The following SLC39A11 variants were observed in gnomAD, a reference collection of about 807,000 sequenced individuals.
SLC39A11 encodes the protein zinc transporter ZIP11.
A neutral mutation model predicts 36.1 loss-of-function variants in SLC39A11; 33 were observed. That is an observed-to-expected ratio of 0.91 (90% CI 0.69 to 1.22). SLC39A11 has a LOEUF of 1.22. Ranked by LOEUF, SLC39A11 falls within the 50% of genes most tolerant of loss-of-function variation. The pLI, the probability that SLC39A11 is intolerant of heterozygous loss-of-function variation, is 0.00. For synonymous variants in SLC39A11, 166 were observed against 170.3 expected (o/e 0.97, Z 0.20); for missense variants, 432 against 430.3 (o/e 1.00, Z -0.03).
chr17:72,946,670 C>T (rs916663275), intron 5 of SLC39A11, among the ~76,000 whole-genome samples: 4 of 152,146 alleles, frequency 2.6e-5, no homozygotes, highest in Admixed American at 1.3e-4. Flanking sequence ...GCATGGTTTT[C>T]GTCCCCGGGG....
At chr17:72,783,880 C>T (rs963481059) in intron 6 of SLC39A11, among the ~76,000 whole-genome samples, 52 of 152,174 alleles carry the variant, frequency 3.4e-4, no homozygotes, top group African/African-American at 2.7e-4. Flanking sequence ...CTAGCACACC[C>T]TCAGCCAGGA....
intron 3 of SLC39A11, among the ~76,000 whole-genome samples, chr17:73,032,866 AC>A (rs1478843509): frequency 2.6e-5 from 4 of 152,114 alleles, no homozygotes; most frequent in African/African-American, 4.8e-5. Context: ...CATCACAACC[AC>A]CCCAGAGGCA....
At chr17:72,691,966 C>T (rs2072047798) in intron 7 of SLC39A11, among the ~76,000 whole-genome samples, 1 of 151,790 alleles carries the variant, frequency 6.6e-6, no homozygotes, top group South Asian at 2.1e-4. Context: ...GAGCCTGTGC[C>T]TAAACAGGGG....
chr17:72,967,399 A>AGAGAGAGAGAGTGT (rs143987646), intron 4 of SLC39A11, among the ~76,000 whole-genome samples: 30 of 138,276 alleles, frequency 2.2e-4, no homozygotes, highest in South Asian at 9.4e-4. Context: ...AGAGAGAGAG[A>AGAGAGAGAGAGTGT]GTGTGTGTGT....
At chr17:72,760,926 T>C (rs2075552538) in intron 6 of SLC39A11, among the ~76,000 whole-genome samples, 1 of 152,202 alleles carries the variant, frequency 6.6e-6, no homozygotes, top group African/African-American at 2.4e-5. Context: ...CTGTTCCTTC[T>C]GCTAGAATCC....
At chr17:72,791,386 A>G (rs2076697742) in intron 6 of SLC39A11, among the ~76,000 whole-genome samples, 1 of 152,224 alleles carries the variant, frequency 6.6e-6, no homozygotes, top group Admixed American at 6.5e-5. Context: ...TGGGAGGCAG[A>G]GATTGCAGTG....
intron 3 of SLC39A11, among the ~76,000 whole-genome samples, chr17:73,069,580 C>G (rs1295946512): frequency 6.6e-6 from 1 of 152,212 alleles, no homozygotes. Context: ...GGCTCTTCTC[C>G]CCTTTTATGA....
chr17:72,798,299 C>T (rs2076963165), intron 6 of SLC39A11, among the ~76,000 whole-genome samples: 1 of 151,966 alleles, frequency 6.6e-6, no homozygotes, highest in South Asian at 2.1e-4. Context: ...CTCAGTGTGC[C>T]AGCATGGTCA....
intron 7 of SLC39A11, among the ~76,000 whole-genome samples, chr17:72,649,644 C>CTTTTTTT (rs5821920): frequency 5.8e-5 from 8 of 138,194 alleles, no homozygotes; most frequent in African/African-American, 8.2e-5. Flanking sequence ...TTTTCTTTTT[C>CTTTTTTT]TTTTTTTTTT....
Position 72,775,470 on chromosome 17 carries a change from C to G in SLC39A11, c.602-38751G>C, listed in dbSNP as rs190139118. 2.4e-3 allele frequency among the ~76,000 whole-genome samples: 358 copies of G among 152,310 alleles called. 1 individual carries two copies. Among genetic ancestry groups the G allele is most frequent in the African/African-American group, 8.0e-3 (333 of 41,568 alleles). On this transcript the variant is annotated intron_variant, in intron 6 of 9. Coordinates refer to ENST00000255559, the MANE Select transcript of SLC39A11 (RefSeq NM_139177.4). ...GAGTCAGGTGCAGGGCACAACTAGA[C>G]AAGGTGACTGGGCTGCAAGGTAGAG... is the stretch of plus-strand genomic sequence containing the variant.
At chr17:72,897,279 C>T (rs1485978106) in intron 5 of SLC39A11, among the ~76,000 whole-genome samples, 1 of 152,158 alleles carries the variant, frequency 6.6e-6, no homozygotes, top group Non-Finnish European at 1.5e-5. Flanking sequence ...GCCATCTGCA[C>T]TGTGCTGTCT....
At chr17:72,833,049 A>G (rs973910058) in intron 6 of SLC39A11, among the ~76,000 whole-genome samples, 2 of 152,204 alleles carry the variant, frequency 1.3e-5, no homozygotes, top group East Asian at 1.9e-4. Context: ...GCAAAAATAA[A>G]TCAAGCCCTT....
At chr17:72,845,230 C>T (rs2078997518) in intron 6 of SLC39A11, among the ~76,000 whole-genome samples, 1 of 152,242 alleles carries the variant, frequency 6.6e-6, no homozygotes, top group Non-Finnish European at 1.5e-5. Context: ...TGCAATGGCT[C>T]ATCACACACA....
At position 72,794,202 on chromosome 17, in the gene SLC39A11, C is replaced by T. The variant is rs1598760665; in HGVS notation, c.601+55432G>A. Reference sequence around the variant, plus strand: ...AATGGGTCCCAGCACCTGCTCTCACCTAGAAAGGAAATTCAGAAGCTCCTG... The same window carrying T: ...AATGGGTCCCAGCACCTGCTCTCACTTAGAAAGGAAATTCAGAAGCTCCTG... On this transcript the variant is annotated intron_variant, in intron 6 of 9. Coordinates refer to ENST00000255559, the MANE Select transcript of SLC39A11 (RefSeq NM_139177.4). 4.6e-5 allele frequency among the ~76,000 whole-genome samples: 7 copies of T among 152,076 alleles called. No individual in the cohort carries two copies. The South Asian group carries it at 1.2e-3, about 27-fold the overall frequency.
At chr17:72,825,405 C>G (rs1395926868) in intron 6 of SLC39A11, among the ~76,000 whole-genome samples, 1 of 152,230 alleles carries the variant, frequency 6.6e-6, no homozygotes, top group African/African-American at 2.4e-5. Context: ...CCTGGATATA[C>G]AGGCAGAAGT....
chr17:72,908,527 C>G (rs1219398527), intron 5 of SLC39A11, among the ~76,000 whole-genome samples: 2 of 152,190 alleles, frequency 1.3e-5, no homozygotes, highest in Non-Finnish European at 2.9e-5. Flanking sequence ...GAGAACTGTC[C>G]AGAGAGCCCC....
chr17:72,938,223 G>C (rs1473213268), intron 5 of SLC39A11, among the ~76,000 whole-genome samples: 1 of 152,176 alleles, frequency 6.6e-6, no homozygotes, highest in African/African-American at 2.4e-5. Context: ...AGGAGACGGA[G>C]GGTTGAACAG....
chr17:72,981,633 A>G lies in SLC39A11; in HGVS notation c.307-33758T>C, dbSNP rs941972822. ...AAGGAAACCAAGTTGTAGAAAAAAA[A>G]TAGGTATTTTTAATCCTCTTGGAAT... On this transcript the variant is annotated intron_variant, in intron 4 of 9. Coordinates refer to ENST00000255559, the MANE Select transcript of SLC39A11 (RefSeq NM_139177.4). 7.2e-4 allele frequency among the ~76,000 whole-genome samples: 97 copies of G among 135,262 alleles called. No homozygotes were observed. The East Asian group carries it at 0.018, about 25-fold the overall frequency. 88.7% of individuals were successfully genotyped at this position (135,262 alleles called of 152,430 possible). A position where few individuals can be genotyped will look rare whatever the true frequency, so the allele number is the denominator to read the frequency against.
intron 4 of SLC39A11, among the ~76,000 whole-genome samples, chr17:72,976,669 T>C (rs1396490308): frequency 6.6e-6 from 1 of 151,972 alleles, no homozygotes; most frequent in African/African-American, 2.4e-5. Context: ...GCCAACATGG[T>C]GAAACCCCAA....
Sources: gnomAD v4.1 joint callset for allele counts (sites outside exome capture counted in the v4.1 genomes callset) on GRCh38, gnomAD v4.1.1 for gene constraint, MANE v1.5 for transcripts, NCBI Gene and HGNC (gene_info 2026-07-23, HGNC 2026-07-21) for gene names.